Variants in LRP1B observed in about 807,000 individuals in gnomAD.
The protein encoded by LRP1B is low-density lipoprotein receptor-related protein 1B.
Under a neutral mutation model 556.6 loss-of-function variants are expected in LRP1B, and 217 were observed. That is an observed-to-expected ratio of 0.39 (90% CI 0.35 to 0.44). The LOEUF (loss-of-function observed/expected upper bound fraction) is 0.44. Ranked by LOEUF, LRP1B falls within the 20% of genes least tolerant of loss-of-function variation. The probability of loss-of-function intolerance (pLI) is 1.00; values close to 1 mark genes in which losing one functional copy is unlikely to be tolerated. For missense variants in LRP1B, 5,053 were observed against 5,620.8 expected, an observed-to-expected ratio of 0.90 and a Z score of 3.23; for synonymous variants, 2,047 against 1,865.8, an observed-to-expected ratio of 1.10 and a Z score of -2.50.
At chr2:140,280,595 G>A (rs1682874982) in intron 84 of LRP1B, among the ~76,000 whole-genome samples, 1 of 151,694 alleles carries the variant, frequency 6.6e-6, no homozygotes, top group Admixed American at 6.6e-5. Flanking sequence ...AATGCATGAT[G>A]GGACACTAGC....
rs1296521073 is a variant in LRP1B, at chr2:141,153,414, G to T, written c.1013+35007C>A. On this transcript the variant is annotated intron_variant, in intron 7 of 90. Transcript: ENST00000389484. ...ATATATTTATATATATTATATATTA[G>T]CTATATATATTTATATATAATATAT... is the stretch of plus-strand genomic sequence containing the variant. 7.1e-5 allele frequency among the ~76,000 whole-genome samples: 7 copies of T among 98,802 alleles called. 1 individual carries two copies. The highest frequency in any genetic ancestry group is 1.2e-4 in the African/African-American group (3 of 25,206). 64.8% of individuals were successfully genotyped at this position (98,802 alleles called of 152,430 possible).
chr2:140,995,575 C>T (rs1697220574), intron 15 of LRP1B, among the ~76,000 whole-genome samples: 1 of 151,872 alleles, frequency 6.6e-6, no homozygotes, highest in African/African-American at 2.4e-5. Flanking sequence ...ACCTATAAGG[C>T]ATATATGGCA....
intron 66 of LRP1B, among the ~76,000 whole-genome samples, chr2:140,423,355 AG>A (rs1685526780): frequency 6.6e-6 from 1 of 152,148 alleles, no homozygotes; most frequent in African/African-American, 2.4e-5. Context: ...AAATAAGGAA[AG>A]AAAAGGAAAG....
At chr2:140,556,474 A>G (rs1680737936) in intron 43 of LRP1B, among the ~76,000 whole-genome samples, 1 of 151,954 alleles carries the variant, frequency 6.6e-6, no homozygotes, top group South Asian at 2.1e-4. Context: ...TTACCCCACA[A>G]CTATCCACTT....
intron 1 of LRP1B, among the ~76,000 whole-genome samples, chr2:142,093,335 C>A (rs1363768269): frequency 1.3e-5 from 2 of 152,048 alleles, no homozygotes; most frequent in African/African-American, 4.8e-5. Context: ...TTACTGACCA[C>A]AAAATGTGTG....
intron 3 of LRP1B, among the ~76,000 whole-genome samples, chr2:141,276,028 T>A (rs1476007543): frequency 1.3e-5 from 2 of 152,194 alleles, no homozygotes; most frequent in African/African-American, 2.4e-5. Context: ...GCAAACATGT[T>A]TACACTTTTG....
intron 1 of LRP1B, among the ~76,000 whole-genome samples, chr2:141,860,593 A>G (rs1450851073): frequency 6.6e-6 from 1 of 152,126 alleles, no homozygotes; most frequent in Admixed American, 6.6e-5. Context: ...TGTACAATCT[A>G]TATAATAAAA....
chr2:142,032,002 A>G (rs143481558), intron 1 of LRP1B, among the ~76,000 whole-genome samples: 79 of 151,980 alleles, frequency 5.2e-4, no homozygotes, highest in African/African-American at 1.9e-3. Flanking sequence ...GACTTTGAAC[A>G]TATCCTTCCC....
At chr2:140,335,204 A>ATATG (rs754217662) in intron 78 of LRP1B, among the ~76,000 whole-genome samples, 4 of 151,330 alleles carry the variant, frequency 2.6e-5, no homozygotes, top group African/African-American at 7.3e-5. Context: ...GTATATATAT[A>ATATG]TGTGTGTGTG....
chr2:141,201,411 A>G (rs1308111128), intron 6 of LRP1B, among the ~76,000 whole-genome samples: 1 of 152,064 alleles, frequency 6.6e-6, no homozygotes, highest in African/African-American at 2.4e-5. Flanking sequence ...ACATTTTCTG[A>G]CTCACAGTCA....
intron 59 of LRP1B, among the ~76,000 whole-genome samples, chr2:140,477,215 TG>T (rs1688012384): frequency 6.6e-6 from 1 of 152,076 alleles, no homozygotes; most frequent in African/African-American, 2.4e-5. Context: ...CAATTCTCTT[TG>T]CCTTACTGAC....
At chr2:141,352,605 T>C (rs1314354560) in intron 3 of LRP1B, among the ~76,000 whole-genome samples, 5 of 151,892 alleles carry the variant, frequency 3.3e-5, no homozygotes, top group Non-Finnish European at 5.9e-5. Context: ...TAAAAAATGA[T>C]AAAATTTTTA....
intron 35 of LRP1B, among the ~76,000 whole-genome samples, chr2:140,746,825 A>G (rs1405177062): frequency 6.6e-6 from 1 of 152,082 alleles, no homozygotes; most frequent in Non-Finnish European, 1.5e-5. Flanking sequence ...CCTTACTTTC[A>G]GGGTAAACCT....
At chr2:140,454,945 A>T (rs1321298134) in intron 62 of LRP1B, among the ~76,000 whole-genome samples, 1 of 152,154 alleles carries the variant, frequency 6.6e-6, no homozygotes, top group Non-Finnish European at 1.5e-5. Flanking sequence ...ATCTCTACTA[A>T]GCCAGCGACA....
intron 21 of LRP1B, among the ~76,000 whole-genome samples, chr2:140,919,572 C>T (rs1211311944): frequency 6.6e-6 from 1 of 152,010 alleles, no homozygotes; most frequent in African/African-American, 2.4e-5. Flanking sequence ...TGTGGGACAG[C>T]TTTATTTCTA....
intron 7 of LRP1B, among the ~76,000 whole-genome samples, chr2:141,083,141 A>T (rs987812619): frequency 6.6e-6 from 1 of 152,160 alleles, no homozygotes; most frequent in Non-Finnish European, 1.5e-5. Flanking sequence ...AGCAAAAACC[A>T]TTTCTATTAA....
At chr2:141,800,576 GAC>G in intron 2 of LRP1B, among the ~76,000 whole-genome samples, 1 of 152,272 alleles carries the variant, frequency 6.6e-6, no homozygotes, top group South Asian at 2.1e-4. Context: ...AACTGTACCT[GAC>G]ACTCTGCTCA....
At chr2:140,297,680 G>A in intron 84 of LRP1B, 128 bp downstream of exon 84, 2 of 956,176 alleles carry the variant, frequency 2.1e-6, no homozygotes, top group Non-Finnish European at 1.6e-6. Flanking sequence ...AATAATTGTT[G>A]GAGTGACAGA....
rs114772323 is a variant in LRP1B at position 141,862,724 on chromosome 2, C to T, written c.83-52323G>A. On this transcript the variant is annotated intron_variant, in intron 1 of 90. Transcript: ENST00000389484. ...GCCCAGCATGGACAGGTGTAAGCAC[C>T]ATGCCCAGCTGAAAATAATTGTTTA... Among the ~76,000 whole-genome samples the T allele has an allele frequency of 5.1e-3, 774 of 152,224 alleles. 6 individuals carry two copies. Among genetic ancestry groups the T allele is most frequent in the Non-Finnish European group, 9.0e-3 (615 of 67,984 alleles).
Sources: allele counts gnomAD v4.1 joint callset (sites outside exome capture counted in the v4.1 genomes callset), GRCh38; gene constraint gnomAD v4.1.1; transcripts MANE v1.5; gene names NCBI Gene and HGNC (gene_info 2026-07-23, HGNC 2026-07-21).